The following RANBP10 variants were observed in gnomAD, a reference collection of about 807,000 sequenced individuals.
RANBP10 encodes RAN binding protein 10, also known as ran-binding protein 10.
Under a neutral mutation model 72.8 loss-of-function variants are expected in RANBP10, and 24 were observed. That is an observed-to-expected ratio of 0.33 (90% CI 0.24 to 0.46). RANBP10 has a LOEUF of 0.46. Among genes scored for constraint, RANBP10 ranks in the 20% least tolerant of loss-of-function variants. The probability of loss-of-function intolerance (pLI) is 1.00; values close to 1 mark genes in which losing one functional copy is unlikely to be tolerated. For synonymous variants in RANBP10, 310 were observed against 322.3 expected (o/e 0.96, Z 0.41); for missense variants, 679 against 817.5 (o/e 0.83, Z 2.07).
At chr16:67,733,182 T>A (rs556682724) in intron 6 of RANBP10, among the ~76,000 whole-genome samples, 2 of 150,386 alleles carry the variant, frequency 1.3e-5, no homozygotes, top group South Asian at 4.2e-4. Flanking sequence ...CTGGGCAACA[T>A]GGCGAAACCC....
At chr16:67,803,025 C>T (rs1283704050) in intron 2 of RANBP10, among the ~76,000 whole-genome samples, 1 of 152,168 alleles carries the variant, frequency 6.6e-6, no homozygotes, top group Non-Finnish European at 1.5e-5. Flanking sequence ...AAGTGCACTT[C>T]AGTTTCTGTG....
At chr16:67,779,121 G>A (rs1159445998) in intron 2 of RANBP10, among the ~76,000 whole-genome samples, 7 of 149,332 alleles carry the variant, frequency 4.7e-5, no homozygotes, top group Admixed American at 1.3e-4. Context: ...TAGTCTGGGC[G>A]CAGTGGCTCA....
intron 2 of RANBP10, among the ~76,000 whole-genome samples, chr16:67,799,042 C>T (rs1055479969): frequency 2.6e-5 from 4 of 151,934 alleles, no homozygotes; most frequent in Non-Finnish European, 5.9e-5. Flanking sequence ...TCTCCTGCCT[C>T]AGCCTCCCAA....
chr16:67,777,676 T>G (rs530797106), intron 2 of RANBP10, among the ~76,000 whole-genome samples: 1 of 152,202 alleles, frequency 6.6e-6, no homozygotes, highest in Non-Finnish European at 1.5e-5. Context: ...GACTCACTAT[T>G]GTTAAGATGT....
chr16:67,757,619 T>A (rs1451891223), intron 3 of RANBP10, among the ~76,000 whole-genome samples: 1 of 152,126 alleles, frequency 6.6e-6, no homozygotes, highest in Non-Finnish European at 1.5e-5. Context: ...GCTGTCCCCA[T>A]AACCTCAACT....
chr16:67,770,215 T>A (rs762240114), intron 3 of RANBP10, among the ~76,000 whole-genome samples: 9 of 151,980 alleles, frequency 5.9e-5, no homozygotes, highest in Non-Finnish European at 8.8e-5. Context: ...CATTAAGAGG[T>A]AGAGCTACAG....
chr16:67,744,119 G>C, intron 4 of RANBP10, 169 bp downstream of exon 4: 1 of 1,400,828 alleles, frequency 7.1e-7, no homozygotes, highest in Non-Finnish European at 9.3e-7. Flanking sequence ...ATGAACAAAG[G>C]CGTGCCCCTG....
intron 3 of RANBP10, among the ~76,000 whole-genome samples, chr16:67,767,435 C>T (rs1353960772): frequency 8.0e-6 from 1 of 125,728 alleles, no homozygotes; most frequent in Non-Finnish European, 1.6e-5. Context: ...CCAAGCTGGG[C>T]AACAGCGAGA....
At chr16:67,749,272 G>T (rs548311533) in intron 3 of RANBP10, among the ~76,000 whole-genome samples, 32 of 152,274 alleles carry the variant, frequency 2.1e-4, no homozygotes, top group Admixed American at 3.9e-4. Flanking sequence ...CCCAAGCCTA[G>T]TGTACCCTGA....
chr16:67,775,259 C>T (rs1234031833), intron 2 of RANBP10, among the ~76,000 whole-genome samples: 1 of 151,996 alleles, frequency 6.6e-6, no homozygotes, highest in Non-Finnish European at 1.5e-5. Context: ...TGCAGTGAGC[C>T]AAGATCAGGC....
At chr16:67,801,181 C>G (rs575029698) in intron 2 of RANBP10, among the ~76,000 whole-genome samples, 7 of 152,272 alleles carry the variant, frequency 4.6e-5, no homozygotes, top group African/African-American at 1.4e-4. Flanking sequence ...AGGAGGTGTA[C>G]TCAAATCTAC....
At chr16:67,741,313 G>A (rs1234152195) in intron 4 of RANBP10, among the ~76,000 whole-genome samples, 8 of 152,158 alleles carry the variant, frequency 5.3e-5, no homozygotes, top group Admixed American at 1.3e-4. Context: ...ATAAGGCCTT[G>A]AGGTGCTTCC....
intron 1 of RANBP10, 79 bp from the exon 2 acceptor site, chr16:67,805,618 A>G: frequency 8.7e-7 from 1 of 1,148,094 alleles, no homozygotes; most frequent in South Asian, 1.3e-5. Flanking sequence ...CAACTCCTCC[A>G]TGACAACTCC....
At position 67,723,474 on chromosome 16, in the gene RANBP10, C is replaced by T. The variant is rs1345541295; in HGVS notation, c.*2954G>A. 3.9e-5 allele frequency: 6 copies of T among 152,692 alleles called. No homozygotes were observed. The highest frequency in any genetic ancestry group is 1.4e-4 in the African/African-American group (6 of 41,462). 9.5% of individuals were successfully genotyped at this position (152,692 alleles called of 1,614,324 possible). A position where few individuals can be genotyped will look rare whatever the true frequency, so the allele number is the denominator to read the frequency against. On this transcript the variant is annotated 3_prime_UTR_variant, in exon 14 of 14. Transcript: ENST00000317506. ...TTTCAGCTCTGACAATTCTCTGCCT[C>T]ATCTTCTTTGTGCTTGCTTAAGGAG...
chr16:67,771,256 A>T (rs1484177824), intron 3 of RANBP10, among the ~76,000 whole-genome samples: 18 of 152,140 alleles, frequency 1.2e-4, no homozygotes. Context: ...CCCTGTCTCA[A>T]ATATATATAT....
chr16:67,748,114 T>C (rs1001551624), intron 3 of RANBP10, among the ~76,000 whole-genome samples: 3 of 151,326 alleles, frequency 2.0e-5, no homozygotes, highest in African/African-American at 7.3e-5. Context: ...CGTGAGCCAC[T>C]GCGCCCGGCC....
chr16:67,771,001 G>A (rs892358364), intron 3 of RANBP10, among the ~76,000 whole-genome samples: 36 of 151,748 alleles, frequency 2.4e-4, no homozygotes, highest in Non-Finnish European at 5.9e-5. Context: ...AGTGGCTCAC[G>A]CCTGTTATCC....
chr16:67,728,541 C>T (rs374100182), intron 10 of RANBP10, 30 bp from the exon 11 acceptor site: 116 of 1,613,562 alleles, frequency 7.2e-5, no homozygotes, highest in Non-Finnish European at 9.2e-5. Flanking sequence ...TGGGAGTTGG[C>T]CCAGGGGGTG....
chr16:67,733,437 A>G (rs560617404), intron 6 of RANBP10, among the ~76,000 whole-genome samples: 4 of 152,314 alleles, frequency 2.6e-5, no homozygotes, highest in Admixed American at 2.6e-4. Flanking sequence ...GTAAATATGA[A>G]AAAGTCTTTA....
Sources: allele counts gnomAD v4.1 joint callset (sites outside exome capture counted in the v4.1 genomes callset), GRCh38; gene constraint gnomAD v4.1.1; transcripts MANE v1.5; gene names NCBI Gene and HGNC (gene_info 2026-07-23, HGNC 2026-07-21).